ZNF366: variants seen among roughly 807,000 people sequenced by gnomAD.
ZNF366 encodes zinc finger protein 366.
In ZNF366, 20 loss-of-function variants were observed where a neutral mutation model predicts 47.2. The observed-to-expected ratio is 0.42, with a 90% CI of 0.30 to 0.62. ZNF366 has a LOEUF of 0.62. ZNF366 is among the 20% of genes least tolerant of loss of function. The pLI is 0.16. For synonymous variants in ZNF366, 421 were observed against 395.1 expected (o/e 1.07, Z -0.78); for missense variants, 987 against 976.3 (o/e 1.01, Z -0.15).
intron 1 of ZNF366, among the ~76,000 whole-genome samples, chr5:72,485,870 G>C (rs746312387): frequency 2.2e-4 from 33 of 152,164 alleles, no homozygotes; most frequent in Non-Finnish European, 3.7e-4. Context: ...CACACACCAG[G>C]CATTCTCCTA....
intron 1 of ZNF366, among the ~76,000 whole-genome samples, chr5:72,464,570 T>C (rs949506165): frequency 3.3e-5 from 5 of 152,224 alleles, no homozygotes; most frequent in East Asian, 1.9e-4. Flanking sequence ...ATGTGGCTAT[T>C]TCTTTAAACA....
chr5:72,450,597 A>C (rs1221425095), intron 3 of ZNF366, among the ~76,000 whole-genome samples: 1 of 152,202 alleles, frequency 6.6e-6, no homozygotes, highest in Non-Finnish European at 1.5e-5. Context: ...AAAACCTATT[A>C]GTTTTCAAAC....
At chr5:72,487,944 A>G (rs1359546872) in intron 1 of ZNF366, among the ~76,000 whole-genome samples, 2 of 152,166 alleles carry the variant, frequency 1.3e-5, no homozygotes. Context: ...GGTGGCTCAC[A>G]GCTGTAATCC....
chr5:72,481,525 T>C (rs1052343981), intron 1 of ZNF366, among the ~76,000 whole-genome samples: 1 of 152,206 alleles, frequency 6.6e-6, no homozygotes, highest in Non-Finnish European at 1.5e-5. Context: ...ATCATTTCCT[T>C]AGATTAGATT....
Position 72,441,479 on chromosome 5 carries a change from A to G in ZNF366, c.*2277T>C. ...GACTTGGAATGGGTTTTTGACCCAG[A>G]GTTGTGCTTGTAACCACAGAAACCC... is the stretch of plus-strand genomic sequence containing the variant. On this transcript the variant is annotated 3_prime_UTR_variant, in exon 5 of 5. Coordinates refer to ENST00000318442, the MANE Select transcript of ZNF366 (RefSeq NM_152625.3). 6.6e-6 allele frequency: 1 copy of G among 152,422 alleles called. No homozygotes were observed. The highest frequency in any genetic ancestry group is 1.5e-5 in the Non-Finnish European group (1 of 68,108). The allele number at this position is 152,422 out of a possible 1,614,324, so 9.4% of individuals were successfully genotyped here.
chr5:72,451,333 T>C (rs1447459976), intron 3 of ZNF366, among the ~76,000 whole-genome samples: 1 of 152,214 alleles, frequency 6.6e-6, no homozygotes, highest in Non-Finnish European at 1.5e-5. Context: ...GACTTCAAAA[T>C]TTAATAAAAA....
At position 72,441,174 on chromosome 5, in the gene ZNF366, A is replaced by T. The variant is rs982207764; in HGVS notation, c.*2582T>A. 5 of 152,058 alleles carry T rather than the reference A, an allele frequency of 3.3e-5. No individual in the cohort carries two copies. The highest frequency in any genetic ancestry group is 7.3e-5 in the Non-Finnish European group (5 of 68,034). 9.4% of individuals were successfully genotyped at this position (152,058 alleles called of 1,614,324 possible). ...AACTGGTCCCTCAAACATTCCCATG[A>T]GGTTTGTTTTGGTTGGAAAGGACTA... On this transcript the variant is annotated 3_prime_UTR_variant, in exon 5 of 5. Coordinates refer to ENST00000318442, the MANE Select transcript of ZNF366 (RefSeq NM_152625.3).
chr5:72,446,600 G>A (rs1314466759), intron 4 of ZNF366, among the ~76,000 whole-genome samples: 1 of 152,202 alleles, frequency 6.6e-6, no homozygotes, highest in Non-Finnish European at 1.5e-5. Flanking sequence ...ATTCAGTGGG[G>A]GAGGTGTAAA....
chr5:72,485,868 A>G (rs1159148354), intron 1 of ZNF366, among the ~76,000 whole-genome samples: 1 of 152,076 alleles, frequency 6.6e-6, no homozygotes, highest in Admixed American at 6.5e-5. Context: ...GGCACACACC[A>G]GGCATTCTCC....
intron 1 of ZNF366, among the ~76,000 whole-genome samples, chr5:72,503,019 G>T (rs1561207292): frequency 6.6e-6 from 1 of 152,074 alleles, no homozygotes; most frequent in African/African-American, 2.4e-5. Flanking sequence ...CAGCTACTCG[G>T]GAGGCTGAGA....
intron 3 of ZNF366, among the ~76,000 whole-genome samples, chr5:72,455,489 C>T (rs1332127613): frequency 2.0e-5 from 3 of 152,162 alleles, no homozygotes; most frequent in African/African-American, 7.2e-5. Context: ...TCTTCTTCCC[C>T]CTCAGCCTTC....
intron 1 of ZNF366, among the ~76,000 whole-genome samples, chr5:72,491,710 A>G (rs988599742): frequency 3.9e-5 from 6 of 152,262 alleles, no homozygotes; most frequent in Admixed American, 2.6e-4. Context: ...CAACACTGGT[A>G]AGAAGGTATT....
At chr5:72,487,571 C>G (rs1225010262) in intron 1 of ZNF366, among the ~76,000 whole-genome samples, 1 of 152,040 alleles carries the variant, frequency 6.6e-6, no homozygotes, top group Non-Finnish European at 1.5e-5. Flanking sequence ...TTTCCTTTAC[C>G]CTCTTTGGCT....
At chr5:72,471,426 T>A (rs1743560933) in intron 1 of ZNF366, among the ~76,000 whole-genome samples, 1 of 152,214 alleles carries the variant, frequency 6.6e-6, no homozygotes, top group Admixed American at 6.5e-5. Flanking sequence ...TACATGCACT[T>A]ATCTCCTTGT....
intron 1 of ZNF366, among the ~76,000 whole-genome samples, chr5:72,466,901 G>T (rs1040504868): frequency 2.0e-5 from 3 of 152,168 alleles, no homozygotes; most frequent in African/African-American, 7.2e-5. Context: ...CCTAAGGCCT[G>T]GTACACTAAT....
chr5:72,455,939 G>C (rs550485521), intron 3 of ZNF366, among the ~76,000 whole-genome samples: 1 of 152,290 alleles, frequency 6.6e-6, no homozygotes, highest in South Asian at 2.1e-4. Flanking sequence ...AGTGTCAAGA[G>C]GCAAGGAGAG....
intron 3 of ZNF366, among the ~76,000 whole-genome samples, chr5:72,450,725 C>A (rs1054842603): frequency 6.6e-6 from 1 of 152,178 alleles, no homozygotes; most frequent in African/African-American, 2.4e-5. Flanking sequence ...TGACCTTCCA[C>A]CAAGCCTTTA....
At chr5:72,480,582 G>A (rs553958887) in intron 1 of ZNF366, among the ~76,000 whole-genome samples, 1 of 151,970 alleles carries the variant, frequency 6.6e-6, no homozygotes, top group Non-Finnish European at 1.5e-5. Context: ...CAATTAATGG[G>A]CATTTGGGAA....
intron 1 of ZNF366, among the ~76,000 whole-genome samples, chr5:72,474,803 C>T (rs1743641060): frequency 6.6e-6 from 1 of 152,132 alleles, no homozygotes; most frequent in South Asian, 2.1e-4. Flanking sequence ...ATTTCCTTCT[C>T]TGTATGGAAT....
Sources: gnomAD v4.1 joint callset for allele counts (sites outside exome capture counted in the v4.1 genomes callset) on GRCh38, gnomAD v4.1.1 for gene constraint, MANE v1.5 for transcripts, NCBI Gene and HGNC (gene_info 2026-07-23, HGNC 2026-07-21) for gene names.